GBP4: variants seen among roughly 807,000 people sequenced by gnomAD.
GBP4 encodes the protein guanylate-binding protein 4.
Under a neutral mutation model 62.2 loss-of-function variants are expected in GBP4, and 69 were observed. The observed-to-expected ratio is 1.11, with a 90% CI of 0.91 to 1.36. The LOEUF (loss-of-function observed/expected upper bound fraction) is 1.36. Among genes scored for constraint, GBP4 ranks in the 40% most tolerant of loss-of-function variants. The pLI is 0.00. For synonymous variants in GBP4, 278 were observed against 274.6 expected (o/e 1.01, Z -0.12); for missense variants, 697 against 759.3 (o/e 0.92, Z 0.96).
intron 9 of GBP4, 90 bp downstream of exon 9, chr1:89,186,910 C>CT: frequency 1.6e-6 from 2 of 1,224,698 alleles, no homozygotes; most frequent in Non-Finnish European, 2.4e-6. Flanking sequence ...TTTGAAGCTC[C>CT]TTTTAACTGG....
chr1:89,198,898 C>T lies in GBP4; in HGVS notation c.-64G>A, dbSNP rs1358989600. Reference sequence around the variant, plus strand: ...CTGTTCTTAGAAGCTGAAAGTCCAGCCGGATTTACAGACATCCAAGTAAGA... The same window carrying T: ...CTGTTCTTAGAAGCTGAAAGTCCAGTCGGATTTACAGACATCCAAGTAAGA... On this transcript the variant is annotated 5_prime_UTR_variant, in exon 1 of 11. Transcript: ENST00000355754. 7 of 1,489,322 alleles carry T rather than the reference C, an allele frequency of 4.7e-6. No individual in the cohort carries two copies. Among genetic ancestry groups the T allele is most frequent in the Non-Finnish European group, 6.6e-6 (7 of 1,066,172 alleles). 92.3% of individuals were successfully genotyped at this position (1,489,322 alleles called of 1,614,324 possible).
At chr1:89,192,216 T>C (rs1648205133) in intron 5 of GBP4, among the ~76,000 whole-genome samples, 1 of 152,210 alleles carries the variant, frequency 6.6e-6, no homozygotes, top group African/African-American at 2.4e-5. Context: ...AAGATGGATA[T>C]TGATTGTAGG....
At chr1:89,186,776 A>G (rs896227251) in intron 9 of GBP4, among the ~76,000 whole-genome samples, 2 of 152,210 alleles carry the variant, frequency 1.3e-5, no homozygotes, top group African/African-American at 2.4e-5. Context: ...AGTGGGAGGA[A>G]GCTCCCTCCT....
chr1:89,188,268 A>G (rs567860859), intron 8 of GBP4, among the ~76,000 whole-genome samples: 1 of 152,190 alleles, frequency 6.6e-6, no homozygotes, highest in African/African-American at 2.4e-5. Flanking sequence ...AAAATAATAC[A>G]CTTCTGAAAA....
rs760300985 is a variant in GBP4 at position 89,192,993 on chromosome 1, G to A, written c.581C>T (p.Thr194Ile). The change falls in exon 5 of 11, where the codon ACT (threonine) becomes ATT (isoleucine). Residue 194 changes from threonine to isoleucine, a missense_variant. Thr to Ile is a moderately conservative substitution (Grantham distance 89, BLOSUM62 -1). Coordinates refer to ENST00000355754, the MANE Select transcript of GBP4 (RefSeq NM_052941.5). ...TAGCTCCAGGGTAAAATCCCGAACA[G>A]TCCAAATAAAGTCTGGAAAGAAACT... ...FASFFPDFIWTVRDFTLELKL... is the reference protein window; with the variant it reads ...FASFFPDFIWIVRDFTLELKL... 1.5e-5 allele frequency: 25 copies of A among 1,614,182 alleles called. No homozygotes were observed. In the East Asian group the frequency reaches 5.1e-4, roughly 33 times the overall value.
chr1:89,193,091 A>T lies in GBP4; in HGVS notation c.483T>A (p.Thr161=). 1 of 1,614,024 alleles carries T rather than the reference A, an allele frequency of 6.2e-7. No individual in the cohort carries two copies. Among genetic ancestry groups the T allele is most frequent in the East Asian group, 2.2e-5 (1 of 44,886 alleles). The change falls in exon 5 of 11, where the codon ACT becomes ACA. Residue 161 remains threonine (T), a synonymous_variant. Coordinates refer to ENST00000355754, the MANE Select transcript of GBP4 (RefSeq NM_052941.5). The part of the protein sequence containing the change: ...HQALEQLHYV[T]ELAELIRAKS... ...TTGCCCTGATTAGCTCTGCTAGCTC[A>T]GTCACATAGCTGGGATCTCAGCTAA...
chr1:89,183,256 A>T lies in GBP4; in HGVS notation c.*1998T>A, dbSNP rs1017824113. The T allele has an allele frequency of 2.6e-5, 4 of 152,168 alleles. No individual in the cohort carries two copies. The highest frequency in any genetic ancestry group is 9.7e-5 in the African/African-American group (4 of 41,436). The allele number at this position is 152,168 out of a possible 1,614,324, so 9.4% of individuals were successfully genotyped here. A position where few individuals can be genotyped will look rare whatever the true frequency, so the allele number is the denominator to read the frequency against. ...TCCAGAAATAATGCTGTACACCTAC[A>T]ATCATCTGATCTTGGACAAAGCTGA... On this transcript the variant is annotated 3_prime_UTR_variant, in exon 11 of 11. Coordinates refer to ENST00000355754, the MANE Select transcript of GBP4 (RefSeq NM_052941.5).
At chr1:89,192,088 A>G (rs908767972) in intron 5 of GBP4, among the ~76,000 whole-genome samples, 1 of 152,172 alleles carries the variant, frequency 6.6e-6, no homozygotes, top group Non-Finnish European at 1.5e-5. Context: ...TAACTTGGAG[A>G]CCTCACCACC....
chr1:89,185,556 C>G, intron 10 of GBP4, 87 bp from the exon 11 acceptor site: 1 of 709,286 alleles, frequency 1.4e-6, no homozygotes, highest in East Asian at 2.5e-5. Flanking sequence ...AACGTTTAAG[C>G]ATATGTGTCT....
intron 9 of GBP4, 124 bp from the exon 10 acceptor site, chr1:89,186,650 T>G: frequency 2.4e-6 from 2 of 848,188 alleles, no homozygotes; most frequent in Non-Finnish European, 3.6e-6. Flanking sequence ...ATCTCTGAAT[T>G]ATCTCACTAG....
In GBP4 at chr1:89,195,505, G is replaced by T; in HGVS notation, c.236-81C>A. ...AGGATTACACCGGTTAAACTTGTAGGAATGTTTAAGTGGCTGACAGGGGAA... is the reference window on the plus strand; with the variant it reads ...AGGATTACACCGGTTAAACTTGTAGTAATGTTTAAGTGGCTGACAGGGGAA... On this transcript the variant is annotated intron_variant, in intron 2 of 10. Coordinates refer to ENST00000355754, the MANE Select transcript of GBP4 (RefSeq NM_052941.5). 3 of 1,525,368 alleles carry T rather than the reference G, an allele frequency of 2.0e-6. 1 individual carries two copies. Among genetic ancestry groups the T allele is most frequent in the South Asian group, 2.3e-5 (2 of 86,434 alleles). 94.5% of individuals were successfully genotyped at this position (1,525,368 alleles called of 1,614,324 possible). A position where few individuals can be genotyped will look rare whatever the true frequency, so the allele number is the denominator to read the frequency against.
chr1:89,189,266 C>T (rs1415743742), intron 7 of GBP4, among the ~76,000 whole-genome samples: 14 of 152,172 alleles, frequency 9.2e-5, no homozygotes, highest in Admixed American at 8.5e-4. Context: ...TGTGAGGATA[C>T]AGGAACAGAA....
In GBP4 at chr1:89,193,250, T is replaced by C. The variant is rs140595004; in HGVS notation, c.473+53A>G. Reference sequence around the variant, plus strand: ...CACAGCAAAGAAGACACAGTATCAATTCCCATTCCCCTAAACCCCATAAAA... The same window carrying C: ...CACAGCAAAGAAGACACAGTATCAACTCCCATTCCCCTAAACCCCATAAAA... On this transcript the variant is annotated intron_variant, in intron 4 of 10. Transcript: ENST00000355754. 1.9e-6 allele frequency: 3 copies of C among 1,570,592 alleles called. No individual in the cohort carries two copies. In the East Asian group the frequency reaches 6.7e-5, roughly 35 times the overall value.
intron 7 of GBP4, among the ~76,000 whole-genome samples, 174 bp downstream of exon 7, chr1:89,189,864 A>G (rs563513519): frequency 6.6e-6 from 1 of 152,208 alleles, no homozygotes; most frequent in Admixed American, 6.5e-5. Flanking sequence ...CAATAGAAAA[A>G]AAAAGTGACA....
chr1:89,192,406 G>C (rs150798186), intron 5 of GBP4, among the ~76,000 whole-genome samples: 1 of 152,026 alleles, frequency 6.6e-6, no homozygotes, highest in Non-Finnish European at 1.5e-5. Flanking sequence ...ATCGTTTGCT[G>C]TATAAATCTC....
intron 7 of GBP4, 58 bp from the exon 8 acceptor site, chr1:89,188,852 CTG>C: frequency 6.4e-7 from 1 of 1,563,928 alleles, no homozygotes; most frequent in East Asian, 2.2e-5. Flanking sequence ...GAAGGTCCAA[CTG>C]TGATCCTCTT....
chr1:89,189,863 A>G (rs971566609), intron 7 of GBP4, among the ~76,000 whole-genome samples, 175 bp downstream of exon 7: 6 of 152,220 alleles, frequency 3.9e-5, no homozygotes, highest in African/African-American at 4.8e-5. Context: ...GCAATAGAAA[A>G]AAAAAGTGAC....
In GBP4 at chr1:89,186,252, G is replaced by C. The variant is rs568953302; in HGVS notation, c.1707+81C>G. 1.4e-5 allele frequency: 15 copies of C among 1,061,436 alleles called. No homozygotes were observed. The East Asian group carries it at 3.5e-4, about 25-fold the overall frequency. 65.8% of individuals were successfully genotyped at this position (1,061,436 alleles called of 1,614,324 possible). A position where few individuals can be genotyped will look rare whatever the true frequency, so the allele number is the denominator to read the frequency against. On this transcript the variant is annotated intron_variant, in intron 10 of 10. Coordinates refer to ENST00000355754, the MANE Select transcript of GBP4 (RefSeq NM_052941.5). ...TGTGTTTCCTTCTGGAATCATGACT[G>C]TGCCTAAAATTTTGGTCCTTCCTTT...
At chr1:89,189,783 G>A in intron 7 of GBP4, among the ~76,000 whole-genome samples, 1 of 152,142 alleles carries the variant, frequency 6.6e-6, no homozygotes, top group Non-Finnish European at 1.5e-5. Flanking sequence ...AAGGACTTCT[G>A]ACCTACATAA....
Sources: allele counts gnomAD v4.1 joint callset (sites outside exome capture counted in the v4.1 genomes callset), GRCh38; gene constraint gnomAD v4.1.1; transcripts MANE v1.5; gene names NCBI Gene and HGNC (gene_info 2026-07-23, HGNC 2026-07-21).